The following PDE10A variants were observed in gnomAD, a reference collection of about 807,000 sequenced individuals.
PDE10A encodes cAMP and cAMP-inhibited cGMP 3',5'-cyclic phosphodiesterase 10A.
A neutral mutation model predicts 97.7 loss-of-function variants in PDE10A; 39 were observed. The ratio of observed to expected loss-of-function variants is 0.40; its 90% CI spans 0.31 to 0.52. The LOEUF (loss-of-function observed/expected upper bound fraction) is 0.52. Among genes scored for constraint, PDE10A ranks in the 20% least tolerant of loss-of-function variants. PDE10A has a pLI of 0.56. For missense variants in PDE10A, 731 were observed against 1,047.8 expected (o/e 0.70, Z 4.17); for synonymous variants, 371 against 376.8 (o/e 0.98, Z 0.18).
At chr6:165,887,934 T>G (rs1329815262) in intron 1 of PDE10A, among the ~76,000 whole-genome samples, 1 of 152,230 alleles carries the variant, frequency 6.6e-6, no homozygotes, top group Non-Finnish European at 1.5e-5. Context: ...GGGCCCTACC[T>G]GATCTGCCTC....
intron 1 of PDE10A, among the ~76,000 whole-genome samples, chr6:165,935,565 C>T (rs547375446): frequency 6.6e-6 from 1 of 152,240 alleles, no homozygotes; most frequent in South Asian, 2.1e-4. Context: ...AAAATTAAGG[C>T]AAGGATAGCA....
chr6:165,418,468 C>G lies in PDE10A; in HGVS notation c.1796+167G>C, dbSNP rs1788474625. Among the ~76,000 whole-genome samples the G allele has an allele frequency of 6.6e-6, 1 of 152,158 alleles. No homozygotes were observed. ...GGCGCGGTTTCTCGGGCACTGCCTG[C>G]AATGTCATTCCCAGAAGTACTACCT... On this transcript the variant is annotated intron_variant, in intron 11 of 21. Transcript: ENST00000539869. The surrounding 1 kb of genome is among the most constrained non-coding windows in gnomAD (Gnocchi z 4.8).
chr6:165,785,806 C>T (rs1778476720), intron 1 of PDE10A, among the ~76,000 whole-genome samples: 2 of 152,188 alleles, frequency 1.3e-5, no homozygotes, highest in African/African-American at 2.4e-5. Context: ...CTTTCAGGAA[C>T]GGATTCTTAA....
At chr6:165,645,276 C>T (rs889817204) in intron 1 of PDE10A, among the ~76,000 whole-genome samples, 2 of 152,170 alleles carry the variant, frequency 1.3e-5, no homozygotes, top group Non-Finnish European at 2.9e-5. Context: ...ACCAGTAACT[C>T]GCCTTTTACT....
At chr6:165,495,543 C>CAAGA (rs1554273575) in intron 2 of PDE10A, among the ~76,000 whole-genome samples, 5,396 of 151,956 alleles carry the variant, frequency 0.036, 144 homozygotes, top group Middle Eastern at 0.075. Context: ...TAAAAACACT[C>CAAGA]GAGTATTTTT....
chr6:165,440,873 A>T (rs1790392876), intron 5 of PDE10A, among the ~76,000 whole-genome samples: 1 of 152,156 alleles, frequency 6.6e-6, no homozygotes, highest in African/African-American at 2.4e-5. Context: ...TAAGGTTTTC[A>T]GCTTTCACAA....
chr6:165,614,621 A>C (rs1298449311), intron 1 of PDE10A, among the ~76,000 whole-genome samples: 1 of 152,208 alleles, frequency 6.6e-6, no homozygotes, highest in African/African-American at 2.4e-5. Flanking sequence ...GCCTGCATTA[A>C]GTGTTCTCAT....
chr6:165,573,735 C>G (rs1158869545), intron 1 of PDE10A, among the ~76,000 whole-genome samples: 2 of 152,152 alleles, frequency 1.3e-5, no homozygotes, highest in Non-Finnish European at 2.9e-5. Flanking sequence ...TTTAAACAGA[C>G]AGGAATCTGG....
At chr6:165,544,540 T>A (rs1473743813) in intron 1 of PDE10A, among the ~76,000 whole-genome samples, 1 of 150,628 alleles carries the variant, frequency 6.6e-6, no homozygotes, top group Non-Finnish European at 1.5e-5. Flanking sequence ...TGTGAATTAT[T>A]TGAATAAATT....
At position 165,428,657 on chromosome 6, in the gene PDE10A, C is replaced by T; in HGVS notation, c.1653+1G>A. ...TCATACTCAGAACAAAAACAACCTA[C>T]CATTATGTGTTCAAGTAGAGAATCT... On this transcript the variant is annotated splice_donor_variant, in intron 10 of 21. Coordinates refer to ENST00000539869, the MANE Select transcript of PDE10A (RefSeq NM_001385079.1). LOFTEE classifies it high-confidence loss of function. The T allele has an allele frequency of 7.7e-7, 1 of 1,304,384 alleles. No individual in the cohort carries two copies. Among genetic ancestry groups the T allele is most frequent in the Non-Finnish European group, 1.1e-6 (1 of 910,098 alleles). The allele number at this position is 1,304,384 out of a possible 1,614,324, so 80.8% of individuals were successfully genotyped here. A position where few individuals can be genotyped will look rare whatever the true frequency, so the allele number is the denominator to read the frequency against.
chr6:165,958,442 G>A (rs563381576), intron 1 of PDE10A, among the ~76,000 whole-genome samples: 2 of 148,738 alleles, frequency 1.3e-5, no homozygotes, highest in Non-Finnish European at 3.0e-5. Context: ...TCCAGCCTGG[G>A]CAACAAAGAG....
At chr6:165,529,557 T>C (rs587572) in intron 2 of PDE10A, among the ~76,000 whole-genome samples, 105,182 of 152,128 alleles carry the variant, frequency 0.69, 39,689 homozygotes, top group Non-Finnish European at 0.83. Context: ...ACATGACCAG[T>C]GGCAGAAATG....
intron 1 of PDE10A, among the ~76,000 whole-genome samples, chr6:165,696,331 C>T (rs966135152): frequency 2.4e-4 from 37 of 152,140 alleles, no homozygotes; most frequent in African/African-American, 8.4e-4. Context: ...ATAAATGAAT[C>T]GTAAATTTTA....
intron 2 of PDE10A, among the ~76,000 whole-genome samples, chr6:165,502,365 C>T (rs2128295644): frequency 6.6e-6 from 1 of 152,186 alleles, no homozygotes; most frequent in South Asian, 2.1e-4. Flanking sequence ...ACGTATCTGG[C>T]AAAAGACCTA....
chr6:165,957,851 C>G (rs927009241), intron 1 of PDE10A, among the ~76,000 whole-genome samples: 1 of 152,142 alleles, frequency 6.6e-6, no homozygotes, highest in Non-Finnish European at 1.5e-5. Context: ...CAATTTGAAA[C>G]AATTGTGTTT....
rs184413467 is a variant in PDE10A, at chr6:165,452,529, C to T, written c.1024-2167G>A. On this transcript the variant is annotated intron_variant, in intron 3 of 21. Transcript: ENST00000539869. Reference sequence around the variant, plus strand: ...GTCCTGATAAAAGATATCTTTGGTCCCCTTCCCTTCTCTCTCTTGTACATT... The same window carrying T: ...GTCCTGATAAAAGATATCTTTGGTCTCCTTCCCTTCTCTCTCTTGTACATT... Among the ~76,000 whole-genome samples, 823 of 152,050 alleles carry T rather than the reference C, an allele frequency of 5.4e-3. 8 individuals are homozygous for T. The highest frequency in any genetic ancestry group is 9.9e-3 in the Non-Finnish European group (674 of 67,980).
chr6:165,617,618 G>A (rs1787788295), intron 1 of PDE10A, among the ~76,000 whole-genome samples: 1 of 152,126 alleles, frequency 6.6e-6, no homozygotes, highest in South Asian at 2.1e-4. Flanking sequence ...CGATTAGGGT[G>A]AACACTGATC....
At chr6:165,978,651 T>C (rs1784917571) in intron 1 of PDE10A, among the ~76,000 whole-genome samples, 1 of 152,188 alleles carries the variant, frequency 6.6e-6, no homozygotes, top group Non-Finnish European at 1.5e-5. Context: ...GGAGTTTTTT[T>C]AGATTAAAAA....
At chr6:165,434,011 C>T (rs1789804849) in intron 6 of PDE10A, among the ~76,000 whole-genome samples, 2 of 100,838 alleles carry the variant, frequency 2.0e-5, no homozygotes, top group African/African-American at 9.9e-5. Flanking sequence ...AGCGAGACTC[C>T]GTCTCAAAAA....
Sources: allele counts gnomAD v4.1 joint callset (sites outside exome capture counted in the v4.1 genomes callset), GRCh38; gene constraint gnomAD v4.1.1; non-coding constraint Gnocchi (gnomAD v3.1); transcripts MANE v1.5; gene names NCBI Gene and HGNC (gene_info 2026-07-23, HGNC 2026-07-21).